C1QTNF7: variants seen among roughly 807,000 people sequenced by gnomAD.
The protein encoded by C1QTNF7 is complement C1q tumor necrosis factor-related protein 7.
In C1QTNF7, 15 loss-of-function variants were observed where a neutral mutation model predicts 19.6. The ratio of observed to expected loss-of-function variants is 0.76; its 90% CI spans 0.51 to 1.18. The LOEUF (loss-of-function observed/expected upper bound fraction) is 1.18, where lower values mean the gene tolerates loss of function less well. C1QTNF7 is among the 50% of genes most tolerant of loss of function. C1QTNF7 has a pLI of 0.00. For missense variants in C1QTNF7, 324 were observed against 359.7 expected, an observed-to-expected ratio of 0.90 and a Z score of 0.80; for synonymous variants, 142 against 137.5, an observed-to-expected ratio of 1.03 and a Z score of -0.23.
intron 1 of C1QTNF7, chr4:15,374,663 T>C: frequency 1.0e-6 from 1 of 985,294 alleles, no homozygotes; most frequent in South Asian, 4.7e-5. Flanking sequence ...CCCAAAGAAT[T>C]ATGAATAATC....
At chr4:15,391,437 G>T (rs1010380960) in intron 1 of C1QTNF7, among the ~76,000 whole-genome samples, 4 of 152,072 alleles carry the variant, frequency 2.6e-5, no homozygotes, top group African/African-American at 9.7e-5. Context: ...TTGAGAGAAG[G>T]AGAAGAAAAG....
rs116676396 is a variant in C1QTNF7, at chr4:15,347,264, C to T, written c.13+7057C>T. Among the ~76,000 whole-genome samples, 463 of 152,318 alleles carry T rather than the reference C, an allele frequency of 3.0e-3. 4 individuals are homozygous for T. Among genetic ancestry groups the T allele is most frequent in the African/African-American group, 0.011 (438 of 41,568 alleles). On this transcript the variant is annotated intron_variant, in intron 1 of 2. Transcript: ENST00000295297. Reference sequence around the variant, plus strand: ...TAAATGCCAGCAGCAGCAAAACACTCATACTTCATAAGGCCGCTCCTTCCA... The same window carrying T: ...TAAATGCCAGCAGCAGCAAAACACTTATACTTCATAAGGCCGCTCCTTCCA...
At chr4:15,381,974 A>G (rs1368565473) in intron 1 of C1QTNF7, 1 of 152,228 alleles carries the variant, frequency 6.6e-6, no homozygotes, top group African/African-American at 2.4e-5. Context: ...TCATTTTCCA[A>G]GCTGCATCGT....
intron 1 of C1QTNF7, among the ~76,000 whole-genome samples, chr4:15,364,778 G>T (rs1717453113): frequency 6.6e-6 from 1 of 152,158 alleles, no homozygotes; most frequent in Admixed American, 6.6e-5. Context: ...GCATCAGTGG[G>T]CAAGCACATG....
At chr4:15,432,920 G>A (rs571795580) in intron 1 of C1QTNF7, among the ~76,000 whole-genome samples, 3 of 152,140 alleles carry the variant, frequency 2.0e-5, no homozygotes, top group Middle Eastern at 3.4e-3. Flanking sequence ...ACTGAATATC[G>A]TTTCTTCCAA....
At chr4:15,395,557 A>G (rs1055715891) in intron 1 of C1QTNF7, among the ~76,000 whole-genome samples, 3 of 152,192 alleles carry the variant, frequency 2.0e-5, no homozygotes, top group Non-Finnish European at 4.4e-5. Flanking sequence ...ACCACAACCC[A>G]GTTAAAAGAG....
chr4:15,390,242 C>T (rs537976537), intron 1 of C1QTNF7, among the ~76,000 whole-genome samples: 45 of 152,312 alleles, frequency 3.0e-4, no homozygotes, highest in African/African-American at 9.4e-4. Context: ...GCTGATGCTT[C>T]GGTCCACAGG....
chr4:15,403,326 T>C (rs34351987), intron 1 of C1QTNF7, among the ~76,000 whole-genome samples: 38,526 of 152,094 alleles, frequency 0.25, 5,902 homozygotes, highest in East Asian at 0.37. Flanking sequence ...CCAGGACTGC[T>C]TTAGCAAATT....
At chr4:15,385,837 T>C (rs1359136043) in intron 1 of C1QTNF7, among the ~76,000 whole-genome samples, 4 of 152,202 alleles carry the variant, frequency 2.6e-5, no homozygotes, top group Non-Finnish European at 5.9e-5. Flanking sequence ...AAAAATAAAA[T>C]AGACACACAC....
chr4:15,361,384 C>T (rs1278664221), intron 1 of C1QTNF7: 1 of 152,096 alleles, frequency 6.6e-6, no homozygotes, highest in African/African-American at 2.4e-5. Context: ...TCTCCCCAGG[C>T]TCAGAATGAA....
At chr4:15,402,202 A>G (rs1392620585) in intron 1 of C1QTNF7, among the ~76,000 whole-genome samples, 1 of 152,214 alleles carries the variant, frequency 6.6e-6, no homozygotes, top group Non-Finnish European at 1.5e-5. Flanking sequence ...TCAACACCAG[A>G]AAATAGCAGA....
chr4:15,431,735 T>C (rs1712319382), intron 1 of C1QTNF7, among the ~76,000 whole-genome samples: 1 of 152,154 alleles, frequency 6.6e-6, no homozygotes, highest in Non-Finnish European at 1.5e-5. Flanking sequence ...TCCAGCCATG[T>C]TTTTTGGGTT....
chr4:15,416,437 A>G lies in C1QTNF7; in HGVS notation c.14-19299A>G, dbSNP rs546104447. Among the ~76,000 whole-genome samples the G allele has an allele frequency of 5.3e-5, 8 of 152,244 alleles. No individual in the cohort carries two copies. In the South Asian group the frequency reaches 1.0e-3, roughly 20 times the overall value. On this transcript the variant is annotated intron_variant, in intron 1 of 2. Transcript: ENST00000295297. Reference sequence around the variant, plus strand: ...CCTCATTTGAGATTCCATTTCCTCCACTACAAAGTGCAGGCAAACCAACCC... The same window carrying G: ...CCTCATTTGAGATTCCATTTCCTCCGCTACAAAGTGCAGGCAAACCAACCC...
chr4:15,392,995 GA>G (rs1244720378), intron 1 of C1QTNF7, among the ~76,000 whole-genome samples: 1 of 152,162 alleles, frequency 6.6e-6, no homozygotes, highest in Non-Finnish European at 1.5e-5. Flanking sequence ...ATCTCATCTT[GA>G]ATTGTAGCTC....
intron 2 of C1QTNF7, 78 bp from the exon 3 acceptor site, chr4:15,442,090 G>T: frequency 1.4e-6 from 2 of 1,476,990 alleles, no homozygotes; most frequent in East Asian, 2.3e-5. Context: ...GTTGGGATGT[G>T]CTGGGACCAT....
intron 2 of C1QTNF7, among the ~76,000 whole-genome samples, chr4:15,436,496 A>C (rs1177602556): frequency 6.6e-6 from 1 of 152,250 alleles, no homozygotes. Flanking sequence ...AAGATACATA[A>C]AGGGCTTCTA....
At chr4:15,424,047 CT>C (rs1331264098), upstream of C1QTNF7, among the ~76,000 whole-genome samples, 3 of 152,252 alleles carry the variant, frequency 2.0e-5, no homozygotes, top group African/African-American at 7.2e-5. Flanking sequence ...ATCATTTGTT[CT>C]AGCCAAATTC....
chr4:15,402,153 G>T (rs934916958), intron 1 of C1QTNF7, among the ~76,000 whole-genome samples: 2 of 152,178 alleles, frequency 1.3e-5, no homozygotes, highest in South Asian at 4.1e-4. Context: ...GATATCACAA[G>T]CGGAGCCTGG....
chr4:15,376,933 T>C (rs1717959466), intron 1 of C1QTNF7, among the ~76,000 whole-genome samples: 1 of 152,236 alleles, frequency 6.6e-6, no homozygotes, highest in African/African-American at 2.4e-5. Flanking sequence ...TTTGTGCATA[T>C]TTTTTCTTTC....
Sources: allele counts gnomAD v4.1 joint callset (sites outside exome capture counted in the v4.1 genomes callset), GRCh38; gene constraint gnomAD v4.1.1; transcripts MANE v1.5; gene names NCBI Gene and HGNC (gene_info 2026-07-23, HGNC 2026-07-21).